GSE1: variants seen among roughly 807,000 people sequenced by gnomAD.
GSE1 encodes genetic suppressor element 1.
Under a neutral mutation model 112.6 loss-of-function variants are expected in GSE1, and 32 were observed. The observed-to-expected ratio is 0.28, with a 90% CI of 0.21 to 0.38. GSE1 has a LOEUF of 0.38. Among genes scored for constraint, GSE1 ranks in the 10% least tolerant of loss-of-function variants. The probability of loss-of-function intolerance (pLI) is 1.00; values close to 1 mark genes in which losing one functional copy is unlikely to be tolerated. For missense variants in GSE1, 2,348 were observed against 1,699.2 expected (o/e 1.38, Z -6.71); for synonymous variants, 1,115 against 735.6 (o/e 1.52, Z -8.35).
chr16:85,424,327 G>A (rs1265609534), intron 2 of GSE1, among the ~76,000 whole-genome samples: 2 of 152,330 alleles, frequency 1.3e-5, no homozygotes, highest in Admixed American at 6.5e-5. Context: ...CAGGGTCGCC[G>A]CTTAAAACAT....
intron 2 of GSE1, among the ~76,000 whole-genome samples, chr16:85,515,168 T>C (rs2051885863): frequency 1.3e-5 from 2 of 152,180 alleles, no homozygotes; most frequent in Admixed American, 1.3e-4. Flanking sequence ...AAACAAGCCC[T>C]GATGTTTCCC....
At position 85,482,203 on chromosome 16, in the gene GSE1, A is replaced by G. The variant is rs533212304; in HGVS notation, c.2464+124560A>G. Among the ~76,000 whole-genome samples the G allele has an allele frequency of 4.6e-4, 70 of 151,134 alleles. No homozygotes were observed. The South Asian group carries it at 0.014, about 31-fold the overall frequency. ...GTCGGCTGGAGAAGAGCCGTGGGTG[A>G]TGGGAGACAGTGGGTGAGGGTCCAG... On this transcript the variant is annotated intron_variant, in intron 2 of 2. Coordinates refer to the GSE1 transcript ENST00000637419.
Position 85,661,021 on chromosome 16 carries a change from T to C in GSE1, c.1641-125T>C, listed in dbSNP as rs541807885. On this transcript the variant is annotated intron_variant, in intron 8 of 15. Coordinates refer to ENST00000253458, the MANE Select transcript of GSE1 (RefSeq NM_014615.5). ...TGTGTGTCCCCTCCCTGCAGCCCTG[T>C]TGGCACTGGCTCTCTAAGGGGCTGC... 15 of 788,162 alleles carry C rather than the reference T, an allele frequency of 1.9e-5. 1 individual carries two copies. Among genetic ancestry groups the C allele is most frequent in the South Asian group, 1.1e-4 (6 of 54,256 alleles). The allele number at this position is 788,162 out of a possible 1,614,324, so 48.8% of individuals were successfully genotyped here.
In GSE1 at chr16:85,526,947, A is replaced by C. The variant is rs75879552; in HGVS notation, c.2465-106967A>C. Among the ~76,000 whole-genome samples, 34 of 152,376 alleles carry C rather than the reference A, an allele frequency of 2.2e-4. No individual in the cohort carries two copies. The East Asian group carries it at 5.2e-3, about 23-fold the overall frequency. On this transcript the variant is annotated intron_variant, in intron 2 of 2. Transcript: ENST00000637419. ...GTAAAATGAGTTCATCTATTTAATT[A>C]AGTAGCAGCAATATGGATGTTAAAT...
chr16:85,608,082 G>A (rs2047789437), upstream of GSE1, among the ~76,000 whole-genome samples: 1 of 152,202 alleles, frequency 6.6e-6, no homozygotes, highest in African/African-American at 2.4e-5. Flanking sequence ...CAGAGGCAGG[G>A]ATGGGAAAAG....
At chr16:85,492,673 G>A (rs1445480661) in intron 2 of GSE1, among the ~76,000 whole-genome samples, 1 of 152,108 alleles carries the variant, frequency 6.6e-6, no homozygotes, top group Non-Finnish European at 1.5e-5. Flanking sequence ...CAGATTCAGC[G>A]CCCTTAAGTA....
chr16:85,410,293 AG>A (rs1229085123), intron 2 of GSE1, among the ~76,000 whole-genome samples: 8 of 47,370 alleles, frequency 1.7e-4, no homozygotes, highest in African/African-American at 9.7e-4. Flanking sequence ...CGTTGCACTC[AG>A]GGCCCCCTGG....
At chr16:85,395,891 C>T (rs1049918289) in intron 2 of GSE1, among the ~76,000 whole-genome samples, 10 of 152,096 alleles carry the variant, frequency 6.6e-5, no homozygotes, top group African/African-American at 1.4e-4. Flanking sequence ...GCCAGCGCCC[C>T]GCAGAAGGGC....
chr16:85,225,882 T>C (rs943537084), intron 1 of GSE1, among the ~76,000 whole-genome samples: 1 of 152,176 alleles, frequency 6.6e-6, no homozygotes, highest in East Asian at 1.9e-4. Context: ...CAAGGTGCCC[T>C]CATCAGCACG....
At chr16:85,349,118 A>G (rs146246380) in intron 1 of GSE1, among the ~76,000 whole-genome samples, 4 of 152,194 alleles carry the variant, frequency 2.6e-5, no homozygotes, top group South Asian at 2.1e-4. Flanking sequence ...TGTATTCCAT[A>G]TCTAATAACT....
chr16:85,657,688 A>G (rs7404958), intron 8 of GSE1, 84 bp downstream of exon 8: 874,567 of 893,174 alleles, frequency 0.98, 428,829 homozygotes, highest in African/African-American at 1. Context: ...CTGTTTGCCC[A>G]ACATCCTGCC....
intron 1 of GSE1, among the ~76,000 whole-genome samples, chr16:85,332,038 G>T (rs2046386163): frequency 6.6e-6 from 1 of 151,890 alleles, no homozygotes; most frequent in South Asian, 2.1e-4. Flanking sequence ...AGGCTCTGGG[G>T]CCCTTTGGCA....
chr16:85,383,527 GTCTCTCTCTCTC>G (rs55919597), intron 2 of GSE1, among the ~76,000 whole-genome samples: 3,748 of 130,762 alleles, frequency 0.029, 72 homozygotes, highest in South Asian at 0.057. Flanking sequence ...GCACACCTGC[GTCTCTCTCTCTC>G]TCTCTCTCTC....
intron 1 of GSE1, among the ~76,000 whole-genome samples, chr16:85,303,965 C>T (rs961849238): frequency 2.6e-5 from 4 of 152,192 alleles, no homozygotes; most frequent in Non-Finnish European, 4.4e-5. Flanking sequence ...GCGAAGACAG[C>T]GGAGACAATG....
intron 1 of GSE1, among the ~76,000 whole-genome samples, chr16:85,618,686 C>G (rs1398915459): frequency 6.6e-6 from 1 of 152,382 alleles, no homozygotes; most frequent in African/African-American, 2.4e-5. Flanking sequence ...GAGACAGGGT[C>G]TTGCTCTGCT....
chr16:85,397,642 A>T (rs1169116465), intron 2 of GSE1, among the ~76,000 whole-genome samples: 1 of 152,108 alleles, frequency 6.6e-6, no homozygotes, highest in Non-Finnish European at 1.5e-5. Context: ...GCCTCCCCGG[A>T]GCACCAGGGT....
intron 2 of GSE1, among the ~76,000 whole-genome samples, chr16:85,404,907 T>A (rs1314252272): frequency 2.6e-5 from 1 of 38,550 alleles, no homozygotes; most frequent in Non-Finnish European, 4.7e-5. Context: ...CGGATAATCC[T>A]CACTGTTACT....
intron 1 of GSE1, among the ~76,000 whole-genome samples, chr16:85,226,687 G>A (rs1002592446): frequency 5.3e-5 from 8 of 152,048 alleles, no homozygotes; most frequent in African/African-American, 1.9e-4. Context: ...GGACTGGCAT[G>A]ATGGGTGTCC....
At chr16:85,236,507 C>T (rs560141988) in intron 1 of GSE1, among the ~76,000 whole-genome samples, 6 of 152,284 alleles carry the variant, frequency 3.9e-5, no homozygotes, top group South Asian at 2.1e-4. Context: ...GTGGGGAGAA[C>T]GGCCTGTGCA....
Sources: allele counts gnomAD v4.1 joint callset (sites outside exome capture counted in the v4.1 genomes callset), GRCh38; gene constraint gnomAD v4.1.1; transcripts MANE v1.5; gene names NCBI Gene and HGNC (gene_info 2026-07-23, HGNC 2026-07-21).